Variants in KDM2A observed in about 807,000 individuals in gnomAD.
The protein encoded by KDM2A is lysine-specific demethylase 2A.
In KDM2A, 3 loss-of-function variants were observed where a neutral mutation model predicts 137.3. The observed-to-expected ratio is 0.02, with a 90% CI of 0.01 to 0.06. KDM2A has a LOEUF of 0.06. KDM2A is among the 10% of genes least tolerant of loss of function. The pLI is 1.00. For missense variants in KDM2A, 738 were observed against 1,510.6 expected (o/e 0.49, Z 8.48); for synonymous variants, 512 against 541.5 (o/e 0.95, Z 0.76).
At chr11:67,240,135 A>C in intron 12 of KDM2A, 1 of 1,410,290 alleles carries the variant, frequency 7.1e-7, no homozygotes, top group Non-Finnish European at 9.2e-7. Context: ...GAAGGGCTCG[A>C]GAAGGAGCCC....
In KDM2A at chr11:67,228,296, A is replaced by G. The variant is rs545175789; in HGVS notation, c.1084+133A>G. 12 of 940,246 alleles carry G rather than the reference A, an allele frequency of 1.3e-5. No individual in the cohort carries two copies. The South Asian group carries it at 2.0e-4, about 16-fold the overall frequency. The allele number at this position is 940,246 out of a possible 1,614,324, so 58.2% of individuals were successfully genotyped here. On this transcript the variant is annotated intron_variant, in intron 11 of 20. Coordinates refer to ENST00000529006, the MANE Select transcript of KDM2A (RefSeq NM_012308.3). ...TCTACTTGGAAGTACCAAATTCATC[A>G]CTGGAATTGAATACCAGTTACCTAC...
rs182369987 is a variant in KDM2A, at chr11:67,203,874, C to T, written c.308-3636C>T. On this transcript the variant is annotated intron_variant, in intron 5 of 20. Transcript: ENST00000529006. Reference sequence around the variant, plus strand: ...GGAGTGCAGTGGTGCGATCTTGGCTCACTGCAACCTCTGCCTCTTGAATTC... The same window carrying T: ...GGAGTGCAGTGGTGCGATCTTGGCTTACTGCAACCTCTGCCTCTTGAATTC... Among the ~76,000 whole-genome samples, 12 of 150,776 alleles carry T rather than the reference C, an allele frequency of 8.0e-5. No homozygotes were observed. In the Admixed American group the frequency reaches 8.0e-4, roughly 10 times the overall value.
chr11:67,216,135 A>G (rs1370131648), intron 8 of KDM2A, among the ~76,000 whole-genome samples, 186 bp downstream of exon 8: 2 of 152,224 alleles, frequency 1.3e-5, no homozygotes, highest in Non-Finnish European at 2.9e-5. Context: ...GTATTCATCT[A>G]GTTCACTGTC....
rs547961352 is a variant in KDM2A at position 67,201,558 on chromosome 11, A to G, written c.308-5952A>G. ...GGCCAAGGTGGGCAGATCACAAGTC[A>G]GGGGTACAAGACCAGCCTGACCAGT... On this transcript the variant is annotated intron_variant, in intron 5 of 20. Coordinates refer to ENST00000529006, the MANE Select transcript of KDM2A (RefSeq NM_012308.3). Among the ~76,000 whole-genome samples the G allele has an allele frequency of 4.6e-5, 7 of 152,046 alleles. No homozygotes were observed. In the East Asian group the frequency reaches 1.4e-3, roughly 29 times the overall value.
intron 10 of KDM2A, among the ~76,000 whole-genome samples, chr11:67,225,271 C>A (rs1405931649): frequency 6.6e-6 from 1 of 152,042 alleles, no homozygotes; most frequent in Non-Finnish European, 1.5e-5. Flanking sequence ...TTTCTACTTA[C>A]AAAATATAGT....
chr11:67,179,969 A>G lies in KDM2A; in HGVS notation c.43-110A>G, dbSNP rs1857051983. 42 of 1,037,900 alleles carry G rather than the reference A, an allele frequency of 4.0e-5. No individual in the cohort carries two copies. The South Asian group carries it at 6.1e-4, about 15-fold the overall frequency. 64.3% of individuals were successfully genotyped at this position (1,037,900 alleles called of 1,614,324 possible). ...AAAAGATCCATAAGGCAAGGAAAAT[A>G]GCAACTGAGTTTGAAAGTAGCACTT... is the stretch of plus-strand genomic sequence containing the variant. On this transcript the variant is annotated intron_variant, in intron 2 of 20. Coordinates refer to ENST00000529006, the MANE Select transcript of KDM2A (RefSeq NM_012308.3).
At chr11:67,164,034 TG>T (rs968486357) in intron 2 of KDM2A, among the ~76,000 whole-genome samples, 1 of 152,136 alleles carries the variant, frequency 6.6e-6, no homozygotes, top group African/African-American at 2.4e-5. Context: ...GTCTGGACCC[TG>T]CCACTACTCT....
At chr11:67,244,917 C>T (rs1287288892) in intron 13 of KDM2A, among the ~76,000 whole-genome samples, 4 of 148,376 alleles carry the variant, frequency 2.7e-5, no homozygotes, top group East Asian at 2.0e-4. Flanking sequence ...ACCCGGGAGG[C>T]GGAGCTTGCA....
Position 67,246,081 on chromosome 11 carries a change from A to G in KDM2A, c.1930A>G (p.Ile644Val), listed in dbSNP as rs371354281. Residue 644 changes from isoleucine to valine, a missense_variant, in exon 15 of 21, where the codon ATC (isoleucine) becomes GTC (valine). Ile to Val is a conservative substitution (Grantham distance 29, BLOSUM62 3). Around this residue, in one of 9 missense-constraint regions of KDM2A, gnomAD observed 20 missense variants for 62.3 expected, o/e 0.32. Transcript: ENST00000529006. ...DFEKKLMECCICNEIVHPGCL... is the reference protein window; with the variant it reads ...DFEKKLMECCVCNEIVHPGCL... ...TGAGAAGAAACTCATGGAATGCTGT[A>G]TCTGCAATGAGATTGTTCATCCTGG... 5.6e-6 allele frequency: 9 copies of G among 1,613,892 alleles called. No homozygotes were observed. In the African/African-American group the frequency reaches 8.0e-5, roughly 14 times the overall value.
chr11:67,187,886 C>G lies in KDM2A; in HGVS notation c.307+5994C>G, dbSNP rs147200066. ...CATGGCACCGGGCCCTAAAACAGAC[C>G]TTAAATCAAAGAATGGTTCCAAGAG... On this transcript the variant is annotated intron_variant, in intron 5 of 20. Coordinates refer to ENST00000529006, the MANE Select transcript of KDM2A (RefSeq NM_012308.3). 3.6e-3 allele frequency among the ~76,000 whole-genome samples: 548 copies of G among 151,998 alleles called. 5 individuals carry two copies. The highest frequency in any genetic ancestry group is 5.4e-3 in the Non-Finnish European group (365 of 67,972).
chr11:67,220,164 A>G (rs1858301096), intron 10 of KDM2A, among the ~76,000 whole-genome samples: 1 of 151,972 alleles, frequency 6.6e-6, no homozygotes, highest in Admixed American at 6.6e-5. Flanking sequence ...GGCACACGCC[A>G]CCACATGCAG....
At chr11:67,136,882 A>G (rs933264291) in intron 2 of KDM2A, among the ~76,000 whole-genome samples, 1 of 152,214 alleles carries the variant, frequency 6.6e-6, no homozygotes, top group East Asian at 1.9e-4. Flanking sequence ...GTCAGACATT[A>G]AACAAATACT....
At chr11:67,125,623 T>C (rs777474782) in intron 2 of KDM2A, among the ~76,000 whole-genome samples, 3 of 151,488 alleles carry the variant, frequency 2.0e-5, no homozygotes, top group Non-Finnish European at 4.4e-5. Flanking sequence ...AATACAAAAA[T>C]TAGCTGGGCA....
At chr11:67,180,851 G>A (rs535160903) in intron 3 of KDM2A, among the ~76,000 whole-genome samples, 19 of 151,516 alleles carry the variant, frequency 1.3e-4, no homozygotes, top group South Asian at 1.3e-3. Flanking sequence ...TAGTAGAGAC[G>A]GGGTTTCGCC....
At chr11:67,187,812 G>A (rs1181153986) in intron 5 of KDM2A, among the ~76,000 whole-genome samples, 7 of 152,220 alleles carry the variant, frequency 4.6e-5, no homozygotes, top group Admixed American at 3.9e-4. Flanking sequence ...AGCCTCAAGC[G>A]ATCTGCCCAC....
At chr11:67,129,765 G>A (rs1164477361) in intron 2 of KDM2A, among the ~76,000 whole-genome samples, 1 of 148,220 alleles carries the variant, frequency 6.7e-6, no homozygotes, top group East Asian at 2.0e-4. Flanking sequence ...AAGAAAAATA[G>A]CCGGGCATAG....
intron 6 of KDM2A, among the ~76,000 whole-genome samples, chr11:67,209,616 G>C (rs55899911): frequency 6.6e-6 from 1 of 151,358 alleles, no homozygotes; most frequent in Non-Finnish European, 1.5e-5. Context: ...GCTAATTTTT[G>C]TATTTTTAGT....
intron 5 of KDM2A, among the ~76,000 whole-genome samples, chr11:67,201,818 G>T (rs954648491): frequency 6.9e-6 from 1 of 144,004 alleles, no homozygotes. Context: ...AGCCATGCTT[G>T]GTGGTGTACA....
At position 67,230,792 on chromosome 11, in the gene KDM2A, T is replaced by C. The variant is rs191056977; in HGVS notation, c.1085-774T>C. 3.9e-5 allele frequency among the ~76,000 whole-genome samples: 6 copies of C among 152,310 alleles called. No individual in the cohort carries two copies. The South Asian group carries it at 6.2e-4, about 16-fold the overall frequency. The stretch of plus-strand genomic sequence containing the variant: ...GCGCCTTCTTGCATTTTCTAAATTA[T>C]AAAAGAAAAGACTGGTGAACATTTA... On this transcript the variant is annotated intron_variant, in intron 11 of 20. Coordinates refer to ENST00000529006, the MANE Select transcript of KDM2A (RefSeq NM_012308.3).
Sources: gnomAD v4.1 joint callset for allele counts (sites outside exome capture counted in the v4.1 genomes callset) on GRCh38, gnomAD v4.1.1 for gene constraint, gnomAD v4.1.1 regional missense constraint, MANE v1.5 for transcripts, NCBI Gene and HGNC (gene_info 2026-07-23, HGNC 2026-07-21) for gene names.